Variants in RALYL observed in about 807,000 individuals in gnomAD.
The protein encoded by RALYL is RALY RNA binding protein like, also known as RNA-binding Raly-like protein.
RALYL carries 29 observed loss-of-function variants against 35.1 expected under a neutral mutation model. The observed-to-expected ratio is 0.83, with a 90% confidence interval of 0.61 to 1.13. The LOEUF is 1.13. RALYL is among the 50% of genes most tolerant of loss of function. The pLI is 0.00. For missense variants in RALYL, 359 were observed against 360.4 expected (o/e 1.00, Z 0.03); for synonymous variants, 120 against 127.6 (o/e 0.94, Z 0.40).
At chr8:84,688,914 A>G (rs1450253447) in intron 2 of RALYL, among the ~76,000 whole-genome samples, 1 of 152,122 alleles carries the variant, frequency 6.6e-6, no homozygotes, top group Non-Finnish European at 1.5e-5. Flanking sequence ...GGGATGTCGA[A>G]AGAATTTCTC....
intron 1 of RALYL, among the ~76,000 whole-genome samples, chr8:84,221,125 A>T (rs1822100978): frequency 6.6e-6 from 1 of 151,912 alleles, no homozygotes; most frequent in South Asian, 2.1e-4. Flanking sequence ...CTCATTAACC[A>T]CCTTAGTTTT....
At chr8:84,890,794 G>C (rs1319628114) in intron 8 of RALYL, among the ~76,000 whole-genome samples, 2 of 119,616 alleles carry the variant, frequency 1.7e-5, no homozygotes, top group Non-Finnish European at 3.2e-5. Context: ...ATTTTTGTCA[G>C]ATAGTGCAAA....
intron 1 of RALYL, among the ~76,000 whole-genome samples, chr8:84,332,705 T>C (rs1049103075): frequency 6.6e-6 from 1 of 152,176 alleles, no homozygotes; most frequent in Non-Finnish European, 1.5e-5. Context: ...CTGCTGCCAG[T>C]GCCTGTCTTC....
intron 2 of RALYL, among the ~76,000 whole-genome samples, chr8:84,579,157 G>T (rs767417246): frequency 1.3e-5 from 2 of 152,166 alleles, no homozygotes. Flanking sequence ...GATTATTGGT[G>T]CCCAAAGTTT....
chr8:84,490,079 ATGTGTGTGTGTGTGTGTGTG>A (rs143193843), intron 1 of RALYL, among the ~76,000 whole-genome samples: 1 of 144,366 alleles, frequency 6.9e-6, no homozygotes, highest in Middle Eastern at 3.3e-3. Context: ...GCTTGCGTGC[ATGTGTGTGTGTGTGTGTGTG>A]TGTGTGTGTG....
intron 2 of RALYL, among the ~76,000 whole-genome samples, chr8:84,661,659 T>G (rs1349900261): frequency 6.6e-6 from 1 of 151,596 alleles, no homozygotes; most frequent in Non-Finnish European, 1.5e-5. Flanking sequence ...TACTTTAAGT[T>G]TTAGGGTACA....
At chr8:84,615,352 A>C (rs1174515315) in intron 2 of RALYL, among the ~76,000 whole-genome samples, 1 of 150,980 alleles carries the variant, frequency 6.6e-6, no homozygotes, top group African/African-American at 2.5e-5. Context: ...AAAAAAAAAA[A>C]CAGAACGTCC....
At chr8:84,848,106 C>T (rs1179008016) in intron 4 of RALYL, among the ~76,000 whole-genome samples, 9 of 151,978 alleles carry the variant, frequency 5.9e-5, no homozygotes, top group Non-Finnish European at 1.0e-4. Context: ...TTTCTCAAAA[C>T]GTTAAACATA....
chr8:84,658,290 CA>C (rs1380696192), intron 2 of RALYL, among the ~76,000 whole-genome samples: 1 of 152,130 alleles, frequency 6.6e-6, no homozygotes, highest in Non-Finnish European at 1.5e-5. Flanking sequence ...TTCTGACCCT[CA>C]AAAAGTGTGT....
At chr8:84,565,770 G>T (rs114320811) in intron 2 of RALYL, among the ~76,000 whole-genome samples, 4,383 of 151,634 alleles carry the variant, frequency 0.029, 100 homozygotes, top group Middle Eastern at 0.071. Context: ...TTTTAACTTT[G>T]CTATTTACTT....
At chr8:84,624,576 T>G (rs1001783972) in intron 2 of RALYL, among the ~76,000 whole-genome samples, 1 of 152,194 alleles carries the variant, frequency 6.6e-6, no homozygotes, top group African/African-American at 2.4e-5. Flanking sequence ...GTGATTAGAT[T>G]GAGCACTTCT....
chr8:84,572,739 G>T (rs1431482849), intron 2 of RALYL, among the ~76,000 whole-genome samples: 8 of 151,682 alleles, frequency 5.3e-5, no homozygotes, highest in Admixed American at 5.3e-4. Flanking sequence ...GAAAAATTTT[G>T]CAGTGACATA....
chr8:84,686,613 C>T (rs1292306098), intron 2 of RALYL, among the ~76,000 whole-genome samples: 2 of 151,978 alleles, frequency 1.3e-5, no homozygotes, highest in African/African-American at 4.8e-5. Context: ...CCATGTTGGC[C>T]AGGCTGGTCT....
chr8:84,367,334 T>A (rs1398609259), intron 1 of RALYL, among the ~76,000 whole-genome samples: 1,531 of 40,614 alleles, frequency 0.038, 250 homozygotes, highest in African/African-American at 0.048. Flanking sequence ...TTTTTTTTTT[T>A]TTTTTTTTTT....
chr8:84,742,695 G>A (rs1366169296), intron 2 of RALYL, among the ~76,000 whole-genome samples: 3 of 152,020 alleles, frequency 2.0e-5, no homozygotes, highest in Non-Finnish European at 2.9e-5. Flanking sequence ...CAAAGAAACG[G>A]AGGTATAATG....
chr8:84,409,736 C>A (rs545365069), intron 1 of RALYL, among the ~76,000 whole-genome samples: 13 of 152,036 alleles, frequency 8.6e-5, no homozygotes, highest in Non-Finnish European at 1.9e-4. Context: ...CAACTAAGAT[C>A]CTAAAGACCA....
intron 1 of RALYL, among the ~76,000 whole-genome samples, chr8:84,472,928 G>A (rs1343790602): frequency 6.6e-6 from 1 of 152,126 alleles, no homozygotes. Context: ...AGACTGGATT[G>A]CAAAACTCTT....
intron 2 of RALYL, among the ~76,000 whole-genome samples, chr8:84,761,800 A>G (rs1201655307): frequency 6.6e-6 from 1 of 152,246 alleles, no homozygotes; most frequent in Non-Finnish European, 1.5e-5. Context: ...GGGGTCCAGT[A>G]ATATACAACA....
intron 1 of RALYL, among the ~76,000 whole-genome samples, chr8:84,367,333 T>A (rs1563800140): frequency 0.033 from 906 of 27,824 alleles, 162 homozygotes; most frequent in Admixed American, 0.038. Flanking sequence ...TTTTTTTTTT[T>A]TTTTTTTTTT....
Sources: allele counts gnomAD v4.1 joint callset (sites outside exome capture counted in the v4.1 genomes callset), GRCh38; gene constraint gnomAD v4.1.1; transcripts MANE v1.5; gene names NCBI Gene and HGNC (gene_info 2026-07-23, HGNC 2026-07-21).